Variants in FARS2 observed in about 807,000 individuals in gnomAD.
The protein encoded by FARS2 is phenylalanyl-tRNA synthetase 2, mitochondrial.
A neutral mutation model predicts 46.4 loss-of-function variants in FARS2; 40 were observed. The observed-to-expected ratio is 0.86, with a 90% confidence interval of 0.67 to 1.12. FARS2 has a LOEUF of 1.12. Ranked by LOEUF, FARS2 falls within the 50% of genes most tolerant of loss-of-function variation. FARS2 has a pLI of 0.00. For synonymous variants in FARS2, 234 were observed against 214.9 expected, an observed-to-expected ratio of 1.09 and a Z score of -0.78; for missense variants, 513 against 567.9, an observed-to-expected ratio of 0.90 and a Z score of 0.98.
intron 6 of FARS2, among the ~76,000 whole-genome samples, chr6:5,621,425 G>A (rs1012787202): frequency 3.3e-5 from 5 of 152,102 alleles, no homozygotes; most frequent in Non-Finnish European, 5.9e-5. Flanking sequence ...AATAACATGC[G>A]AAAAGTGAAA....
chr6:5,638,645 G>T (rs904808263), intron 6 of FARS2, among the ~76,000 whole-genome samples: 6 of 152,228 alleles, frequency 3.9e-5, no homozygotes, highest in African/African-American at 1.4e-4. Context: ...TCTCAGGAGA[G>T]GCTGCCTTGC....
intron 2 of FARS2, among the ~76,000 whole-genome samples, chr6:5,401,385 G>A (rs918429686): frequency 2.0e-5 from 3 of 152,052 alleles, no homozygotes; most frequent in Non-Finnish European, 4.4e-5. Context: ...CTTAGTAAAA[G>A]TATTCTTTAA....
chr6:5,389,341 C>G (rs6938599), intron 2 of FARS2, among the ~76,000 whole-genome samples: 3,895 of 152,188 alleles, frequency 0.026, 72 homozygotes, highest in Non-Finnish European at 0.038. Flanking sequence ...CTCTTGTGTC[C>G]TGTCTCTCTC....
chr6:5,445,804 G>T (rs1007673643), intron 4 of FARS2, among the ~76,000 whole-genome samples: 1 of 152,192 alleles, frequency 6.6e-6, no homozygotes, highest in Non-Finnish European at 1.5e-5. Flanking sequence ...AAGGACACAT[G>T]GGGACATGCC....
At chr6:5,260,849 C>T, upstream of FARS2, 1 of 1,498,336 alleles carries the variant, frequency 6.7e-7, no homozygotes, top group East Asian at 2.5e-5. Flanking sequence ...TGCGGCTCGG[C>T]TTTGCCAGCG....
intron 1 of FARS2, among the ~76,000 whole-genome samples, chr6:5,300,814 T>A (rs1340256930): frequency 6.6e-6 from 1 of 152,028 alleles, no homozygotes. Context: ...GGGACTATAG[T>A]CATGTGCTAC....
At chr6:5,488,956 T>G (rs1328055236) in intron 4 of FARS2, among the ~76,000 whole-genome samples, 1 of 152,224 alleles carries the variant, frequency 6.6e-6, no homozygotes, top group African/African-American at 2.4e-5. Flanking sequence ...TTCTAGGCAC[T>G]GGGTCTATAG....
intron 1 of FARS2, among the ~76,000 whole-genome samples, chr6:5,328,029 A>G (rs1770521672): frequency 6.6e-6 from 1 of 152,188 alleles, no homozygotes; most frequent in African/African-American, 2.4e-5. Context: ...GGAGAGTAGG[A>G]AGACCGGTTG....
At chr6:5,377,667 G>GT in intron 2 of FARS2, among the ~76,000 whole-genome samples, 1 of 152,200 alleles carries the variant, frequency 6.6e-6, no homozygotes, top group Middle Eastern at 3.4e-3. Context: ...CCATGACCGA[G>GT]TTTTTGTTGA....
intron 6 of FARS2, among the ~76,000 whole-genome samples, chr6:5,690,224 A>G (rs1326864025): frequency 6.6e-6 from 1 of 152,118 alleles, no homozygotes; most frequent in Non-Finnish European, 1.5e-5. Flanking sequence ...TTATGTGTGA[A>G]TTTGATCCTG....
intron 1 of FARS2, among the ~76,000 whole-genome samples, chr6:5,308,150 A>G (rs1387018050): frequency 1.3e-5 from 2 of 152,000 alleles, no homozygotes; most frequent in Admixed American, 1.3e-4. Flanking sequence ...AGAGAATGCC[A>G]CATGCAAAGG....
chr6:5,543,307 A>T (rs1273173333), intron 4 of FARS2, among the ~76,000 whole-genome samples: 1 of 151,642 alleles, frequency 6.6e-6, no homozygotes, highest in Non-Finnish European at 1.5e-5. Context: ...AGCTCCATGA[A>T]TGTTCTGGTT....
chr6:5,394,729 G>A (rs1170359407), intron 2 of FARS2, among the ~76,000 whole-genome samples: 5 of 151,750 alleles, frequency 3.3e-5, no homozygotes, highest in Admixed American at 6.6e-5. Context: ...TCTTTCAAGT[G>A]TCACTTTGAA....
At chr6:5,617,752 G>A (rs112379799) in intron 6 of FARS2, among the ~76,000 whole-genome samples, 41 of 152,302 alleles carry the variant, frequency 2.7e-4, no homozygotes, top group African/African-American at 9.6e-4. Context: ...GTATGGAGTG[G>A]AGCAACAACA....
At chr6:5,605,263 G>T (rs535904043) in intron 5 of FARS2, among the ~76,000 whole-genome samples, 1 of 152,042 alleles carries the variant, frequency 6.6e-6, no homozygotes, top group South Asian at 2.1e-4. Flanking sequence ...GGAAACAGAG[G>T]CTTAGCTCTG....
At chr6:5,614,258 A>G (rs1299139800) in intron 6 of FARS2, among the ~76,000 whole-genome samples, 1 of 152,156 alleles carries the variant, frequency 6.6e-6, no homozygotes, top group East Asian at 1.9e-4. Flanking sequence ...CCTAGCTGTT[A>G]GAGAAGAAAC....
intron 1 of FARS2, among the ~76,000 whole-genome samples, chr6:5,357,245 T>G (rs1215789539): frequency 6.6e-6 from 1 of 152,230 alleles, no homozygotes; most frequent in Non-Finnish European, 1.5e-5. Context: ...CACTGTGAGT[T>G]AAATAAATGG....
chr6:5,719,669 A>T (rs1343882207), intron 6 of FARS2, among the ~76,000 whole-genome samples: 19 of 152,160 alleles, frequency 1.2e-4, no homozygotes, highest in Admixed American at 1.2e-3. Context: ...AGTTCCAGGG[A>T]TGCGGCCAGC....
intron 6 of FARS2, among the ~76,000 whole-genome samples, chr6:5,640,139 G>GGTGTGT (rs3057207): frequency 0.12 from 18,706 of 149,784 alleles, 1,316 homozygotes; most frequent in East Asian, 0.26. Flanking sequence ...ACTTTTGTCA[G>GGTGTGT]GTGTGTGTGT....
Sources: gnomAD v4.1 joint callset for allele counts (sites outside exome capture counted in the v4.1 genomes callset) on GRCh38, gnomAD v4.1.1 for gene constraint, MANE v1.5 for transcripts, NCBI Gene and HGNC (gene_info 2026-07-23, HGNC 2026-07-21) for gene names.